Variants in SLC25A12 observed in about 807,000 individuals in gnomAD.
SLC25A12 encodes electrogenic aspartate/glutamate antiporter SLC25A12, mitochondrial.
In SLC25A12, 32 loss-of-function variants were observed where a neutral mutation model predicts 83.3. The ratio of observed to expected loss-of-function variants is 0.38; its 90% CI spans 0.29 to 0.52. SLC25A12 has a LOEUF of 0.52. Ranked by LOEUF, SLC25A12 falls within the 20% of genes least tolerant of loss-of-function variation. The probability of loss-of-function intolerance (pLI) is 0.84; values close to 1 mark genes in which losing one functional copy is unlikely to be tolerated. For missense variants in SLC25A12, 611 were observed against 835.6 expected, an observed-to-expected ratio of 0.73 and a Z score of 3.31; for synonymous variants, 267 against 291.1, an observed-to-expected ratio of 0.92 and a Z score of 0.84.
intron 9 of SLC25A12, among the ~76,000 whole-genome samples, chr2:171,820,173 G>C (rs1684154730): frequency 1.3e-5 from 2 of 152,058 alleles, no homozygotes; most frequent in African/African-American, 2.4e-5. Flanking sequence ...AAAACCCCAT[G>C]ACACGTTTAC....
intron 9 of SLC25A12, among the ~76,000 whole-genome samples, chr2:171,820,676 C>T (rs1206604170): frequency 2.8e-5 from 4 of 141,486 alleles, no homozygotes; most frequent in South Asian, 2.4e-4. Context: ...TGCAGTGAGC[C>T]GAGATCCCGC....
At chr2:171,799,337 T>C (rs551876803) in intron 13 of SLC25A12, among the ~76,000 whole-genome samples, 2 of 152,358 alleles carry the variant, frequency 1.3e-5, no homozygotes, top group South Asian at 2.1e-4. Flanking sequence ...TGTATGCATA[T>C]CTATATGTGT....
rs1337210652 is a variant in SLC25A12, at chr2:171,837,095, A to G, written c.612+26T>C. ...GATCAAAAGGTTTGAGGAAATAGAA[A>G]GTTAAAGAACTTGCTTTTTACTTAC... On this transcript the variant is annotated intron_variant, in intron 6 of 17. Transcript: ENST00000422440. 1.9e-6 allele frequency: 3 copies of G among 1,612,680 alleles called. No homozygotes were observed. In the African/African-American group the frequency reaches 4.0e-5, roughly 22 times the overall value.
At position 171,785,270 on chromosome 2, in the gene SLC25A12, C is replaced by T. The variant is rs1690465947; in HGVS notation, c.*4G>A. The T allele has an allele frequency of 1.9e-6, 3 of 1,613,902 alleles. No homozygotes were observed. The highest frequency in any genetic ancestry group is 2.2e-5 in the East Asian group (1 of 44,900). On this transcript the variant is annotated 3_prime_UTR_variant, in exon 18 of 18. Coordinates refer to ENST00000422440, the MANE Select transcript of SLC25A12 (RefSeq NM_003705.5). ...CCATTTTGCCACACTCAACAGTTGT[C>T]TCATCACTGAGTGGCTGCCACTGCT... is the stretch of plus-strand genomic sequence containing the variant.
chr2:171,849,725 T>G (rs1422532315), intron 4 of SLC25A12, among the ~76,000 whole-genome samples: 2 of 151,884 alleles, frequency 1.3e-5, no homozygotes, highest in East Asian at 3.9e-4. Flanking sequence ...CCAGCTAATT[T>G]TTTTGTATTT....
At chr2:171,808,333 C>G (rs1275563843) in intron 13 of SLC25A12, among the ~76,000 whole-genome samples, 1 of 148,192 alleles carries the variant, frequency 6.7e-6, no homozygotes, top group Admixed American at 6.8e-5. Context: ...GTCATGCTTA[C>G]ACTTTAAAGA....
At chr2:171,876,543 TG>T (rs773967179) in intron 2 of SLC25A12, among the ~76,000 whole-genome samples, 1,995 of 29,562 alleles carry the variant, frequency 0.067, 87 homozygotes, top group African/African-American at 0.14. Context: ...TTTTTTTTTT[TG>T]GGGGGGGGGG....
At position 171,785,150 on chromosome 2, in the gene SLC25A12, C is replaced by G. The variant is rs13035825; in HGVS notation, c.*124G>C. 4.7e-6 allele frequency: 4 copies of G among 848,714 alleles called. No individual in the cohort carries two copies. The highest frequency in any genetic ancestry group is 5.9e-6 in the Non-Finnish European group (3 of 507,558). The allele number at this position is 848,714 out of a possible 1,614,324, so 52.6% of individuals were successfully genotyped here. A position where few individuals can be genotyped will look rare whatever the true frequency, so the allele number is the denominator to read the frequency against. On this transcript the variant is annotated 3_prime_UTR_variant, in exon 18 of 18. Coordinates refer to ENST00000422440, the MANE Select transcript of SLC25A12 (RefSeq NM_003705.5). ...TAAACAAGTATATGTATATGTCATA[C>G]AGAAAGAAGAGTTTGACTCCTCAGC...
intron 4 of SLC25A12, among the ~76,000 whole-genome samples, chr2:171,853,817 TTGGTC>T (rs1684989144): frequency 6.6e-6 from 1 of 152,254 alleles, no homozygotes; most frequent in African/African-American, 2.4e-5. Context: ...TATTGTTAAG[TTGGTC>T]TTGACAGTCT....
chr2:171,866,450 C>T (rs1445670580), intron 3 of SLC25A12, among the ~76,000 whole-genome samples: 61 of 105,514 alleles, frequency 5.8e-4, no homozygotes, highest in Admixed American at 1.0e-3. Flanking sequence ...GGGCGGCTGG[C>T]CGGGCAGGGG....
At chr2:171,824,874 G>A (rs947733308) in intron 9 of SLC25A12, among the ~76,000 whole-genome samples, 2 of 151,648 alleles carry the variant, frequency 1.3e-5, no homozygotes, top group Non-Finnish European at 2.9e-5. Flanking sequence ...GCACAGTCAC[G>A]CTCACTGCAA....
intron 9 of SLC25A12, among the ~76,000 whole-genome samples, chr2:171,821,220 T>TG (rs1478601246): frequency 6.6e-6 from 1 of 151,700 alleles, no homozygotes; most frequent in Admixed American, 6.6e-5. Flanking sequence ...TTTGTAGAGA[T>TG]GGGGATTCAT....
In SLC25A12 at chr2:171,809,544, A is replaced by G; in HGVS notation, c.1305+62T>C. The G allele has an allele frequency of 3.3e-6, 4 of 1,226,834 alleles. No individual in the cohort carries two copies. The Admixed American group carries it at 6.7e-5, about 21-fold the overall frequency. 76.0% of individuals were successfully genotyped at this position (1,226,834 alleles called of 1,614,324 possible). ...GAAATGCCACTAAGATATCTATTAT[A>G]TCTGTGCAAAAAGGTCAACGGAATG... On this transcript the variant is annotated intron_variant, in intron 13 of 17. Transcript: ENST00000422440.
Position 171,846,571 on chromosome 2 carries a change from G to T in SLC25A12, c.326-2063C>A, listed in dbSNP as rs943174616. Among the ~76,000 whole-genome samples, 4 of 152,244 alleles carry T rather than the reference G, an allele frequency of 2.6e-5. No homozygotes were observed. In the South Asian group the frequency reaches 8.3e-4, roughly 32 times the overall value. Reference sequence around the variant, plus strand: ...ACCTGTAATCCTAGCACTTTGGGAGGCCAAGGCAGGCAGATCACGAGGTCA... The same window carrying T: ...ACCTGTAATCCTAGCACTTTGGGAGTCCAAGGCAGGCAGATCACGAGGTCA... On this transcript the variant is annotated intron_variant, in intron 4 of 17. Coordinates refer to ENST00000422440, the MANE Select transcript of SLC25A12 (RefSeq NM_003705.5).
intron 3 of SLC25A12, among the ~76,000 whole-genome samples, chr2:171,857,683 TA>T (rs1237826588): frequency 6.6e-6 from 1 of 150,922 alleles, no homozygotes; most frequent in Non-Finnish European, 1.5e-5. Flanking sequence ...AGACCCTGTT[TA>T]AAAAAAAATT....
At chr2:171,860,058 T>C (rs1159459143) in intron 3 of SLC25A12, among the ~76,000 whole-genome samples, 2 of 152,158 alleles carry the variant, frequency 1.3e-5, no homozygotes, top group East Asian at 3.9e-4. Flanking sequence ...CATGAGCCAC[T>C]GCGCCTGGCC....
intron 2 of SLC25A12, among the ~76,000 whole-genome samples, chr2:171,874,584 G>A (rs1194698745): frequency 1.3e-5 from 2 of 151,988 alleles, no homozygotes; most frequent in African/African-American, 2.4e-5. Flanking sequence ...CCACAGAGGT[G>A]TCTATTCTCT....
chr2:171,883,093 A>G (rs1197064002), intron 2 of SLC25A12, among the ~76,000 whole-genome samples: 1 of 152,232 alleles, frequency 6.6e-6, no homozygotes, highest in Non-Finnish European at 1.5e-5. Flanking sequence ...ATATGTACAT[A>G]ATCATAAATA....
intron 17 of SLC25A12, among the ~76,000 whole-genome samples, chr2:171,786,294 G>C (rs1690487648): frequency 6.8e-6 from 1 of 148,074 alleles, no homozygotes; most frequent in South Asian, 2.1e-4. Flanking sequence ...TGAGGCAGGA[G>C]AATCACTTGA....
Sources: allele counts gnomAD v4.1 joint callset (sites outside exome capture counted in the v4.1 genomes callset), GRCh38; gene constraint gnomAD v4.1.1; transcripts MANE v1.5; gene names NCBI Gene and HGNC (gene_info 2026-07-23, HGNC 2026-07-21).